Variants in RASGRP1 observed in about 807,000 individuals in gnomAD.
RASGRP1 encodes the protein RAS guanyl releasing protein 1.
RASGRP1 carries 37 observed loss-of-function variants against 95.1 expected under a neutral mutation model. The observed-to-expected ratio is 0.39, with a 90% CI of 0.30 to 0.51. The LOEUF is 0.51. RASGRP1 is among the 20% of genes least tolerant of loss of function. The pLI, the probability that RASGRP1 is intolerant of heterozygous loss-of-function variation, is 0.80. For synonymous variants in RASGRP1, 325 were observed against 353.4 expected (o/e 0.92, Z 0.90); for missense variants, 711 against 965.4 (o/e 0.74, Z 3.49).
At chr15:38,557,779 T>C (rs1893629698) in intron 2 of RASGRP1, among the ~76,000 whole-genome samples, 1 of 152,146 alleles carries the variant, frequency 6.6e-6, no homozygotes, top group Admixed American at 6.5e-5. Context: ...TGCTTGATAA[T>C]GGATAAAAGA....
chr15:38,531,852 C>A (rs1271305767), intron 2 of RASGRP1, among the ~76,000 whole-genome samples: 4 of 152,220 alleles, frequency 2.6e-5, no homozygotes, highest in Non-Finnish European at 5.9e-5. Context: ...TGCCCTCATT[C>A]CCACCACCAG....
chr15:38,543,525 C>A (rs532815963), intron 2 of RASGRP1, among the ~76,000 whole-genome samples: 60 of 143,766 alleles, frequency 4.2e-4, no homozygotes, highest in Admixed American at 3.2e-3. Context: ...CTTTCATGTC[C>A]ATTTAAACTC....
At chr15:38,505,788 A>T in intron 10 of RASGRP1, 52 bp downstream of exon 10, 2 of 1,395,230 alleles carry the variant, frequency 1.4e-6, no homozygotes, top group Admixed American at 3.6e-5. Context: ...GAACTCGAGG[A>T]GAAGCTTGTA....
chr15:38,511,862 C>T, intron 7 of RASGRP1, 142 bp from the exon 8 acceptor site: 1 of 616,770 alleles, frequency 1.6e-6, no homozygotes, highest in South Asian at 1.9e-5. Context: ...AATTTCCTGT[C>T]CATGTCTCCC....
At chr15:38,513,769 T>C (rs1227121518) in intron 6 of RASGRP1, among the ~76,000 whole-genome samples, 1 of 152,222 alleles carries the variant, frequency 6.6e-6, no homozygotes, top group Non-Finnish European at 1.5e-5. Flanking sequence ...AGTCTGTTTC[T>C]CTTCAACTTT....
chr15:38,514,968 G>T (rs1008268463), intron 6 of RASGRP1, among the ~76,000 whole-genome samples: 3 of 152,164 alleles, frequency 2.0e-5, no homozygotes, highest in Non-Finnish European at 4.4e-5. Context: ...TTTCAATTTG[G>T]GTCTGGGGTA....
At chr15:38,493,908 A>G (rs1330672089) in intron 16 of RASGRP1, among the ~76,000 whole-genome samples, 3 of 152,228 alleles carry the variant, frequency 2.0e-5, no homozygotes, top group Non-Finnish European at 2.9e-5. Flanking sequence ...AACCATGATG[A>G]TCCTAAACCA....
In RASGRP1 at chr15:38,494,627, C is replaced by A. The variant is rs1195277516; in HGVS notation, c.2014G>T (p.Ala672Ser). 2 of 1,558,422 alleles carry A rather than the reference C, an allele frequency of 1.3e-6. No individual in the cohort carries two copies. The highest frequency in any genetic ancestry group is 1.7e-6 in the Non-Finnish European group (2 of 1,157,684). Reference protein sequence around the residue: ...LRLKRAVAHKATQTESQPWIG... With the variant: ...LRLKRAVAHKSTQTESQPWIG... Reference sequence around the variant, plus strand: ...CAAGGCTGTGATTCAGTCTGGGTGGCCTTGTGGGCAACAGCCCTCTTCAGC... The same window carrying A: ...CAAGGCTGTGATTCAGTCTGGGTGGACTTGTGGGCAACAGCCCTCTTCAGC... Residue 672 changes from alanine (A) to serine (S), a missense_variant, in exon 16 of 17, where the codon GCC becomes TCC. Ala to Ser is a moderately conservative substitution (Grantham distance 99, BLOSUM62 1). Coordinates refer to ENST00000310803, the MANE Select transcript of RASGRP1 (RefSeq NM_005739.4).
chr15:38,512,172 A>T (rs1438045579), intron 7 of RASGRP1, among the ~76,000 whole-genome samples: 1 of 152,220 alleles, frequency 6.6e-6, no homozygotes, highest in Non-Finnish European at 1.5e-5. Flanking sequence ...TTGGAGAAAG[A>T]TATTATTAAG....
intron 1 of RASGRP1, among the ~76,000 whole-genome samples, chr15:38,563,393 G>C (rs1893891561): frequency 6.6e-6 from 1 of 152,058 alleles, no homozygotes. Flanking sequence ...AGTAACCAAA[G>C]CCCCATAGGT....
At chr15:38,555,749 C>T (rs1893530906) in intron 2 of RASGRP1, among the ~76,000 whole-genome samples, 1 of 152,074 alleles carries the variant, frequency 6.6e-6, no homozygotes, top group Non-Finnish European at 1.5e-5. Flanking sequence ...TAAGTCAGTC[C>T]ATAAATAGAA....
intron 2 of RASGRP1, among the ~76,000 whole-genome samples, chr15:38,542,862 C>T (rs11639011): frequency 0.18 from 13,988 of 76,904 alleles, 1,932 homozygotes; most frequent in African/African-American, 0.47. Context: ...TATATATATA[C>T]ACATATATGT....
chr15:38,555,473 G>A (rs1566938693), intron 2 of RASGRP1, among the ~76,000 whole-genome samples: 1 of 152,186 alleles, frequency 6.6e-6, no homozygotes, highest in Non-Finnish European at 1.5e-5. Context: ...GTGGCATGCA[G>A]GTCTCCCCTG....
At chr15:38,538,243 G>T (rs534649413) in intron 2 of RASGRP1, among the ~76,000 whole-genome samples, 1 of 152,104 alleles carries the variant, frequency 6.6e-6, no homozygotes, top group Non-Finnish European at 1.5e-5. Context: ...TAGCCTGGGG[G>T]ATAGAGCAAG....
chr15:38,543,881 A>G (rs1893007833), intron 2 of RASGRP1, among the ~76,000 whole-genome samples: 1 of 151,902 alleles, frequency 6.6e-6, no homozygotes, highest in African/African-American at 2.4e-5. Context: ...CATTTGTGTC[A>G]TCTCTGAGTT....
At chr15:38,519,416 C>A in intron 3 of RASGRP1, 45 bp from the exon 4 acceptor site, 1 of 1,364,506 alleles carries the variant, frequency 7.3e-7, no homozygotes, top group Non-Finnish European at 1.0e-6. Context: ...TTACAGAAAC[C>A]AAACGACTTT....
intron 2 of RASGRP1, among the ~76,000 whole-genome samples, chr15:38,532,589 T>C (rs1892487198): frequency 6.6e-6 from 1 of 152,230 alleles, no homozygotes; most frequent in African/African-American, 2.4e-5. Flanking sequence ...CTCTTCTTTC[T>C]ATCCAAATGC....
At chr15:38,529,108 T>A (rs1273477414) in intron 2 of RASGRP1, among the ~76,000 whole-genome samples, 1 of 152,194 alleles carries the variant, frequency 6.6e-6, no homozygotes, top group Non-Finnish European at 1.5e-5. Context: ...TTTCTCTCCA[T>A]CCTTGGCCTC....
At chr15:38,512,612 A>G (rs1891580737) in intron 7 of RASGRP1, among the ~76,000 whole-genome samples, 171 bp downstream of exon 7, 1 of 152,236 alleles carries the variant, frequency 6.6e-6, no homozygotes, top group African/African-American at 2.4e-5. Flanking sequence ...TGTATGGAAG[A>G]AGAGACAAGT....
Sources: allele counts gnomAD v4.1 joint callset (sites outside exome capture counted in the v4.1 genomes callset), GRCh38; gene constraint gnomAD v4.1.1; transcripts MANE v1.5; gene names NCBI Gene and HGNC (gene_info 2026-07-23, HGNC 2026-07-21).